The following PRMT3 variants were observed in gnomAD, a reference collection of about 807,000 sequenced individuals.
PRMT3 encodes the protein protein arginine N-methyltransferase 3.
In PRMT3, 62 loss-of-function variants were observed where a neutral mutation model predicts 71.9. The ratio of observed to expected loss-of-function variants is 0.86; its 90% CI spans 0.70 to 1.07. PRMT3 has a LOEUF of 1.07. PRMT3 is among the 50% of genes least tolerant of loss of function. The pLI is 0.00. For missense variants in PRMT3, 663 were observed against 643.0 expected (o/e 1.03, Z -0.34); for synonymous variants, 213 against 220.4 (o/e 0.97, Z 0.30).
At chr11:20,395,323 T>C (rs1021364708) in intron 5 of PRMT3, among the ~76,000 whole-genome samples, 4 of 151,950 alleles carry the variant, frequency 2.6e-5, no homozygotes, top group Non-Finnish European at 5.9e-5. Context: ...ATTAAAATAG[T>C]GTAGATGATA....
intron 6 of PRMT3, among the ~76,000 whole-genome samples, chr11:20,396,611 C>G (rs1848831094): frequency 6.6e-6 from 1 of 152,008 alleles, no homozygotes; most frequent in African/African-American, 2.4e-5. Flanking sequence ...GTACTCCAGC[C>G]TGGGCAACAG....
intron 15 of PRMT3, among the ~76,000 whole-genome samples, chr11:20,504,707 T>TGTGTGTGTGAGAGAGAGAGAGA (rs1332372470): frequency 7.5e-5 from 10 of 133,636 alleles, no homozygotes; most frequent in African/African-American, 3.0e-4. Flanking sequence ...TGTGTGTGTG[T>TGTGTGTGTGAGAGAGAGAGAGA]GAGAGAGAGA....
intron 9 of PRMT3, among the ~76,000 whole-genome samples, chr11:20,419,000 A>C (rs559836894): frequency 2.3e-4 from 35 of 152,278 alleles, no homozygotes; most frequent in African/African-American, 7.9e-4. Flanking sequence ...TGTTATGATC[A>C]GTTTTTACAT....
intron 9 of PRMT3, among the ~76,000 whole-genome samples, chr11:20,410,158 T>C (rs1849163930): frequency 6.6e-6 from 1 of 152,118 alleles, no homozygotes; most frequent in South Asian, 2.1e-4. Context: ...TATGTAATGA[T>C]TACACCTAAA....
chr11:20,486,100 C>G (rs1266847028), intron 13 of PRMT3, among the ~76,000 whole-genome samples: 1 of 152,152 alleles, frequency 6.6e-6, no homozygotes, highest in African/African-American at 2.4e-5. Flanking sequence ...AAACCAGTCA[C>G]AAAAGACCAT....
At chr11:20,470,348 G>C (rs1850613909) in intron 13 of PRMT3, among the ~76,000 whole-genome samples, 1 of 152,074 alleles carries the variant, frequency 6.6e-6, no homozygotes, top group African/African-American at 2.4e-5. Context: ...CCCTCACCCA[G>C]GTATTATGCC....
intron 7 of PRMT3, among the ~76,000 whole-genome samples, chr11:20,398,009 A>AT (rs1400201196): frequency 5.6e-4 from 28 of 49,880 alleles, no homozygotes; most frequent in African/African-American, 1.6e-3. Flanking sequence ...CCCTGTCTCT[A>AT]TTTAAAAAAA....
intron 13 of PRMT3, among the ~76,000 whole-genome samples, chr11:20,467,688 G>A (rs1203859371): frequency 1.3e-5 from 2 of 152,170 alleles, no homozygotes; most frequent in Non-Finnish European, 2.9e-5. Flanking sequence ...CCTCTTTGCA[G>A]CAGATAGGAA....
chr11:20,499,914 C>T (rs1424454084), intron 15 of PRMT3, among the ~76,000 whole-genome samples: 1 of 152,120 alleles, frequency 6.6e-6, no homozygotes. Context: ...CCAAATGTAG[C>T]TATAAAACCA....
intron 13 of PRMT3, 28 bp from the exon 14 acceptor site, chr11:20,493,891 C>G: frequency 2.1e-6 from 3 of 1,434,166 alleles, no homozygotes; most frequent in Non-Finnish European, 2.9e-6. Context: ...ATTTAGTAAG[C>G]ATTTATATTT....
chr11:20,487,028 AC>A (rs1221406646), intron 13 of PRMT3, among the ~76,000 whole-genome samples: 2 of 151,008 alleles, frequency 1.3e-5, no homozygotes, highest in African/African-American at 4.9e-5. Flanking sequence ...CTACACTCCA[AC>A]CTGGGCAATA....
At chr11:20,482,386 A>C (rs1850959160) in intron 13 of PRMT3, among the ~76,000 whole-genome samples, 1 of 151,044 alleles carries the variant, frequency 6.6e-6, no homozygotes, top group Non-Finnish European at 1.5e-5. Context: ...GTATAGGTTT[A>C]TGCTTGAAAT....
At chr11:20,406,687 T>C (rs1180182097) in intron 8 of PRMT3, 2 of 152,334 alleles carry the variant, frequency 1.3e-5, no homozygotes, top group East Asian at 3.9e-4. Context: ...CTGAGTCATA[T>C]GGTAATTCCA....
chr11:20,439,235 C>T (rs896777164), intron 10 of PRMT3, among the ~76,000 whole-genome samples: 9 of 152,072 alleles, frequency 5.9e-5, no homozygotes, highest in Non-Finnish European at 1.3e-4. Context: ...CAGGTGACCC[C>T]AGTGGTGAGG....
At chr11:20,418,127 A>G (rs1258254011) in intron 9 of PRMT3, among the ~76,000 whole-genome samples, 1 of 133,870 alleles carries the variant, frequency 7.5e-6, no homozygotes, top group East Asian at 1.9e-4. Flanking sequence ...TTCCCCTCAG[A>G]AAAAGTTGAT....
intron 10 of PRMT3, among the ~76,000 whole-genome samples, chr11:20,438,967 G>A (rs1388869904): frequency 6.6e-6 from 1 of 152,182 alleles, no homozygotes; most frequent in Non-Finnish European, 1.5e-5. Context: ...GTGTAAGGGT[G>A]TAACAGCTGC....
At chr11:20,444,144 T>C (rs1283041886) in intron 10 of PRMT3, among the ~76,000 whole-genome samples, 2 of 152,318 alleles carry the variant, frequency 1.3e-5, no homozygotes, top group East Asian at 1.9e-4. Flanking sequence ...CTATGTGATA[T>C]ACAGATATTA....
At chr11:20,439,318 TCTC>T (rs1849832887) in intron 10 of PRMT3, among the ~76,000 whole-genome samples, 1 of 151,886 alleles carries the variant, frequency 6.6e-6, no homozygotes. Context: ...AGGGAGAAGT[TCTC>T]CTGATTCCCA....
intron 10 of PRMT3, among the ~76,000 whole-genome samples, chr11:20,439,005 C>T (rs1045888297): frequency 2.6e-5 from 4 of 152,140 alleles, no homozygotes; most frequent in African/African-American, 9.7e-5. Context: ...GAAGTTGGAC[C>T]ACCAGACTGG....
Sources: gnomAD v4.1 joint callset for allele counts (sites outside exome capture counted in the v4.1 genomes callset) on GRCh38, gnomAD v4.1.1 for gene constraint, MANE v1.5 for transcripts, NCBI Gene and HGNC (gene_info 2026-07-23, HGNC 2026-07-21) for gene names.